RORA: variants seen among roughly 807,000 people sequenced by gnomAD.
RORA encodes RAR related orphan receptor A, also known as nuclear receptor ROR-alpha.
Under a neutral mutation model 69.5 loss-of-function variants are expected in RORA, and 7 were observed. The ratio of observed to expected loss-of-function variants is 0.10; its 90% CI spans 0.06 to 0.19. The LOEUF is 0.19. Ranked by LOEUF, RORA falls within the 10% of genes least tolerant of loss-of-function variation. The probability of loss-of-function intolerance (pLI) is 1.00; values close to 1 mark genes in which losing one functional copy is unlikely to be tolerated. For synonymous variants in RORA, 261 were observed against 240.8 expected, an observed-to-expected ratio of 1.08 and a Z score of -0.78; for missense variants, 457 against 663.0, an observed-to-expected ratio of 0.69 and a Z score of 3.41.
At chr15:60,888,753 G>A (rs2073779265) in intron 1 of RORA, among the ~76,000 whole-genome samples, 1 of 152,090 alleles carries the variant, frequency 6.6e-6, no homozygotes, top group Non-Finnish European at 1.5e-5. Context: ...GTCAATTAGA[G>A]TGAGCCACAG....
chr15:60,930,048 T>G (rs1892332411), intron 1 of RORA, among the ~76,000 whole-genome samples: 1 of 152,214 alleles, frequency 6.6e-6, no homozygotes, highest in Non-Finnish European at 1.5e-5. Flanking sequence ...CTCTTGTGGC[T>G]GTTGGGCCCT....
chr15:60,930,608 G>T (rs1232884958), intron 1 of RORA, among the ~76,000 whole-genome samples: 2 of 152,276 alleles, frequency 1.3e-5, no homozygotes, highest in South Asian at 4.1e-4. Context: ...TTCCCACTTT[G>T]GAATTAATGC....
At chr15:60,637,818 TTTTC>T (rs1392819472) in intron 2 of RORA, among the ~76,000 whole-genome samples, 16 of 151,032 alleles carry the variant, frequency 1.1e-4, no homozygotes, top group Non-Finnish European at 2.1e-4. Context: ...TTCTTTCTTT[TTTTC>T]TTTCTTTTTT....
chr15:60,878,195 T>G (rs1038679862), intron 1 of RORA, among the ~76,000 whole-genome samples: 5 of 98,870 alleles, frequency 5.1e-5, no homozygotes, highest in African/African-American at 1.4e-4. Context: ...AAAAAAAAAA[T>G]TAGCCAGGCG....
chr15:60,592,434 A>C (rs906276272), intron 2 of RORA: 7 of 1,427,286 alleles, frequency 4.9e-6, no homozygotes, highest in Non-Finnish European at 6.5e-6. Context: ...CGCGGTGCGG[A>C]GAGCGCAGGG....
chr15:61,124,787 G>C (rs926660266), intron 1 of RORA, among the ~76,000 whole-genome samples: 2 of 152,102 alleles, frequency 1.3e-5, no homozygotes, highest in African/African-American at 2.4e-5. Flanking sequence ...CCCTCTCTGA[G>C]CCTCAGTTTC....
At chr15:60,936,457 T>C (rs1364144250) in intron 1 of RORA, among the ~76,000 whole-genome samples, 1 of 152,252 alleles carries the variant, frequency 6.6e-6, no homozygotes, top group Non-Finnish European at 1.5e-5. Context: ...CTTGCACACC[T>C]GTCACACCTT....
rs191442735 is a variant in RORA at position 60,545,675 on chromosome 15, G to A, written c.197-13824C>T. ...TGGTGTGACACAAGGATGTTTCACT[G>A]CCCAATTAGCGTGGTCCATTTTAAA... is the stretch of plus-strand genomic sequence containing the variant. On this transcript the variant is annotated intron_variant, in intron 2 of 10. Coordinates refer to ENST00000335670, the MANE Select transcript of RORA (RefSeq NM_134261.3). 2.6e-5 allele frequency among the ~76,000 whole-genome samples: 4 copies of A among 152,276 alleles called. No individual in the cohort carries two copies. The East Asian group carries it at 7.7e-4, about 29-fold the overall frequency.
intron 1 of RORA, among the ~76,000 whole-genome samples, chr15:60,897,058 G>A (rs1891249028): frequency 6.6e-6 from 1 of 152,146 alleles, no homozygotes; most frequent in South Asian, 2.1e-4. Flanking sequence ...TGGGGTCTGG[G>A]GTGGGGTGGG....
intron 1 of RORA, among the ~76,000 whole-genome samples, chr15:60,859,329 G>A (rs140486902): frequency 6.6e-6 from 1 of 152,194 alleles, no homozygotes; most frequent in Admixed American, 6.5e-5. Flanking sequence ...CTTTGCACCT[G>A]GGGCCTTGCA....
intron 1 of RORA, among the ~76,000 whole-genome samples, chr15:61,217,986 C>T (rs1000572221): frequency 3.9e-5 from 6 of 152,158 alleles, no homozygotes; most frequent in African/African-American, 1.4e-4. Flanking sequence ...CTTCCTCCCC[C>T]ACTGCTGGGC....
chr15:60,523,548 GCCTGAGCCTCA>G (rs1280722832), intron 3 of RORA, among the ~76,000 whole-genome samples: 3 of 152,148 alleles, frequency 2.0e-5, no homozygotes, highest in African/African-American at 7.2e-5. Flanking sequence ...CATGTGGCTG[GCCTGAGCCTCA>G]TCCTTGCTGT....
chr15:60,583,048 C>T (rs1435363743), intron 2 of RORA, among the ~76,000 whole-genome samples: 2 of 152,194 alleles, frequency 1.3e-5, no homozygotes, highest in East Asian at 1.9e-4. Flanking sequence ...TCCCCTCGGC[C>T]GCCAGCATCA....
intron 2 of RORA, 101 bp downstream of exon 2, chr15:60,678,556 A>G (rs1449545966): frequency 2.2e-6 from 2 of 907,332 alleles, no homozygotes; most frequent in Admixed American, 3.6e-5. Context: ...CATGGATCAC[A>G]GCTGAAACAT....
chr15:61,042,418 C>T (rs1896825833), intron 1 of RORA, among the ~76,000 whole-genome samples: 1 of 152,116 alleles, frequency 6.6e-6, no homozygotes, highest in Non-Finnish European at 1.5e-5. Context: ...CACAAACACA[C>T]AATTAGATAT....
chr15:60,942,663 T>A (rs1351234917), intron 1 of RORA, among the ~76,000 whole-genome samples: 2 of 152,262 alleles, frequency 1.3e-5, no homozygotes, highest in African/African-American at 4.8e-5. Context: ...GCTGTGTGAA[T>A]GTTATATGCA....
chr15:61,204,721 A>G (rs181589919), intron 1 of RORA, among the ~76,000 whole-genome samples: 4 of 152,386 alleles, frequency 2.6e-5, no homozygotes, highest in Admixed American at 2.0e-4. Context: ...GGAAAAGAGC[A>G]CTTCCTCACT....
intron 1 of RORA, among the ~76,000 whole-genome samples, chr15:60,830,636 T>C (rs1350019500): frequency 6.6e-6 from 1 of 152,244 alleles, no homozygotes; most frequent in Non-Finnish European, 1.5e-5. Flanking sequence ...TGACAAGTAC[T>C]TCCAGGCAAG....
chr15:61,085,039 C>T (rs1011976638), intron 1 of RORA, among the ~76,000 whole-genome samples: 2 of 152,004 alleles, frequency 1.3e-5, no homozygotes, highest in Non-Finnish European at 2.9e-5. Context: ...CCTCCTCACT[C>T]CCTCCCCCCT....
Sources: gnomAD v4.1 joint callset for allele counts (sites outside exome capture counted in the v4.1 genomes callset) on GRCh38, gnomAD v4.1.1 for gene constraint, MANE v1.5 for transcripts, NCBI Gene and HGNC (gene_info 2026-07-23, HGNC 2026-07-21) for gene names.